ELFN2: variants seen among roughly 807,000 people sequenced by gnomAD.
ELFN2 encodes protein phosphatase 1 regulatory subunit 29.
Under a neutral mutation model 45.5 loss-of-function variants are expected in ELFN2, and 17 were observed. The ratio of observed to expected loss-of-function variants is 0.37; its 90% CI spans 0.26 to 0.56. ELFN2 has a LOEUF of 0.56. ELFN2 is among the 20% of genes least tolerant of loss of function. The probability of loss-of-function intolerance (pLI) is 0.77; values close to 1 mark genes in which losing one functional copy is unlikely to be tolerated. For synonymous variants in ELFN2, 550 were observed against 551.5 expected (o/e 1.00, Z 0.04); for missense variants, 922 against 1,183.2 (o/e 0.78, Z 3.24).
At chr22:37,408,264 A>G (rs1932558743) in intron 2 of ELFN2, among the ~76,000 whole-genome samples, 1 of 152,216 alleles carries the variant, frequency 6.6e-6, no homozygotes, top group Non-Finnish European at 1.5e-5. Flanking sequence ...GGGGCATCAC[A>G]TACCCCAGGG....
chr22:37,392,587 G>A (rs1932112592), intron 2 of ELFN2, among the ~76,000 whole-genome samples: 1 of 152,188 alleles, frequency 6.6e-6, no homozygotes, highest in East Asian at 1.9e-4. Flanking sequence ...CAAAGTGCTG[G>A]GATTACAGGT....
chr22:37,356,704 G>A (rs1185018458), intron 1 of ELFN2, among the ~76,000 whole-genome samples: 1 of 152,178 alleles, frequency 6.6e-6, no homozygotes, highest in Admixed American at 6.5e-5. Flanking sequence ...ACTCTGTGGG[G>A]TAGTACTGGG....
rs11913133 is a variant in ELFN2 at position 37,409,487 on chromosome 22, G to A, written c.-463+8282C>T. ...CCTTTCCCCAAGTCCCAGGGAGCCCGCAGGCAGGAATCCCAGCCAGAATGG... is the reference window on the plus strand; with the variant it reads ...CCTTTCCCCAAGTCCCAGGGAGCCCACAGGCAGGAATCCCAGCCAGAATGG... On this transcript the variant is annotated intron_variant, in intron 2 of 2. Transcript: ENST00000402918. Among the ~76,000 whole-genome samples, 771 of 152,276 alleles carry A rather than the reference G, an allele frequency of 5.1e-3. 9 individuals carry two copies. The highest frequency in any genetic ancestry group is 0.018 in the African/African-American group (755 of 41,552).
At chr22:37,395,921 G>A (rs1406130884) in intron 2 of ELFN2, among the ~76,000 whole-genome samples, 1 of 152,218 alleles carries the variant, frequency 6.6e-6, no homozygotes, top group African/African-American at 2.4e-5. Flanking sequence ...AGACCCAACA[G>A]GAAGCCAGAA....
intron 2 of ELFN2, among the ~76,000 whole-genome samples, chr22:37,377,697 T>C (rs1931620983): frequency 6.6e-6 from 1 of 152,190 alleles, no homozygotes; most frequent in Non-Finnish European, 1.5e-5. Context: ...GAGGCTGTGA[T>C]GATCTGGACC....
intron 1 of ELFN2, among the ~76,000 whole-genome samples, chr22:37,423,136 C>T (rs954021300): frequency 6.6e-6 from 1 of 152,106 alleles, no homozygotes; most frequent in African/African-American, 2.4e-5. Context: ...CACTGTCACC[C>T]GGGGGAGCCC....
chr22:37,393,431 T>G (rs2145661521), intron 2 of ELFN2, among the ~76,000 whole-genome samples: 1 of 152,316 alleles, frequency 6.6e-6, no homozygotes, highest in South Asian at 2.1e-4. Context: ...CCGGGCTAAC[T>G]TGGCTTGGGC....
rs143232073 is a variant in ELFN2, at chr22:37,386,471, C to T, written c.-462-10475G>A. Among the ~76,000 whole-genome samples, 12 of 152,316 alleles carry T rather than the reference C, an allele frequency of 7.9e-5. No individual in the cohort carries two copies. The East Asian group carries it at 1.7e-3, about 22-fold the overall frequency. On this transcript the variant is annotated intron_variant, in intron 2 of 2. Coordinates refer to ENST00000402918, the MANE Select transcript of ELFN2 (RefSeq NM_052906.5). ...AGGCCACAGCCCATTCAGCTTCTGT[C>T]GCTTCAGAACCTCTAACCAGGCGAT...
chr22:37,402,800 G>A (rs189970449), intron 2 of ELFN2, among the ~76,000 whole-genome samples: 8 of 152,288 alleles, frequency 5.3e-5, no homozygotes, highest in East Asian at 1.9e-4. Context: ...GCAGGAGGCT[G>A]AGCAGAAGCC....
At chr22:37,356,515 A>C (rs1930953925) in intron 1 of ELFN2, among the ~76,000 whole-genome samples, 2 of 152,194 alleles carry the variant, frequency 1.3e-5, no homozygotes, top group Admixed American at 1.3e-4. Flanking sequence ...GAAAGTTTTG[A>C]AACATCAAGA....
chr22:37,342,838 A>G (rs1930595176), intron 1 of ELFN2: 1 of 151,464 alleles, frequency 6.6e-6, no homozygotes, highest in African/African-American at 2.4e-5. Flanking sequence ...GAGGGGAGGG[A>G]AGGGGCAGGG....
chr22:37,395,277 A>T (rs946182940), intron 2 of ELFN2, among the ~76,000 whole-genome samples: 26 of 152,114 alleles, frequency 1.7e-4, no homozygotes, highest in African/African-American at 6.3e-4. Flanking sequence ...TGGTTCCAGC[A>T]CCAGAAGAAA....
intron 2 of ELFN2, among the ~76,000 whole-genome samples, chr22:37,402,531 G>A (rs137915562): frequency 6.6e-6 from 1 of 152,288 alleles, no homozygotes; most frequent in East Asian, 1.9e-4. Context: ...GGCATCACTA[G>A]GCCCAGCTGA....
chr22:37,427,169 C>T (rs149583203), intron 1 of ELFN2, 129 bp downstream of exon 1: 4,079 of 152,214 alleles, frequency 0.027, 82 homozygotes, highest in Non-Finnish European at 0.042. Context: ...CCGTCTCATC[C>T]CCCCTTCCGT....
At chr22:37,356,770 T>C (rs1269752549) in intron 1 of ELFN2, among the ~76,000 whole-genome samples, 1 of 152,186 alleles carries the variant, frequency 6.6e-6, no homozygotes, top group Non-Finnish European at 1.5e-5. Flanking sequence ...ACACACTTTG[T>C]CCACGTTCCC....
At chr22:37,416,116 C>T (rs1932757346) in intron 2 of ELFN2, among the ~76,000 whole-genome samples, 1 of 152,172 alleles carries the variant, frequency 6.6e-6, no homozygotes, top group Non-Finnish European at 1.5e-5. Context: ...AAACTGAGGC[C>T]AGAGGTCCTC....
At chr22:37,416,196 G>A (rs1270039718) in intron 2 of ELFN2, among the ~76,000 whole-genome samples, 2 of 152,210 alleles carry the variant, frequency 1.3e-5, no homozygotes, top group Non-Finnish European at 2.9e-5. Flanking sequence ...CCTGTTTTTA[G>A]TAATTGAATG....
chr22:37,348,184 C>T (rs1204407884), intron 1 of ELFN2, among the ~76,000 whole-genome samples: 2 of 152,230 alleles, frequency 1.3e-5, no homozygotes, highest in East Asian at 3.9e-4. Flanking sequence ...TTCACAGACA[C>T]GTGCGCTCAT....
At chr22:37,415,027 G>A (rs1932740991) in intron 2 of ELFN2, among the ~76,000 whole-genome samples, 1 of 152,236 alleles carries the variant, frequency 6.6e-6, no homozygotes, top group Non-Finnish European at 1.5e-5. Context: ...TTGTACAGGT[G>A]AAGAAACTGA....
Sources: allele counts gnomAD v4.1 joint callset (sites outside exome capture counted in the v4.1 genomes callset), GRCh38; gene constraint gnomAD v4.1.1; transcripts MANE v1.5; gene names NCBI Gene and HGNC (gene_info 2026-07-23, HGNC 2026-07-21).